Variants in PLA2G4A observed in about 807,000 individuals in gnomAD.
PLA2G4A encodes cytosolic phospholipase A2.
A neutral mutation model predicts 81.9 loss-of-function variants in PLA2G4A; 40 were observed. The observed-to-expected ratio is 0.49, with a 90% CI of 0.38 to 0.64. The LOEUF is 0.64. Among genes scored for constraint, PLA2G4A ranks in the 30% least tolerant of loss-of-function variants. The probability of loss-of-function intolerance (pLI) is 0.00; values close to 1 mark genes in which losing one functional copy is unlikely to be tolerated. For synonymous variants in PLA2G4A, 302 were observed against 296.9 expected (o/e 1.02, Z -0.18); for missense variants, 715 against 905.1 (o/e 0.79, Z 2.69).
rs185791169 is a variant in PLA2G4A at position 186,867,590 on chromosome 1, T to G, written c.34-2845T>G. ...ATAGTCACATAATTAGTTCCAGGAG[T>G]TTTTTTTTAATTGATTATATTGGGT... is the stretch of plus-strand genomic sequence containing the variant. On this transcript the variant is annotated intron_variant, in intron 2 of 17. Coordinates refer to ENST00000367466, the MANE Select transcript of PLA2G4A (RefSeq NM_024420.3). 1.9e-3 allele frequency among the ~76,000 whole-genome samples: 275 copies of G among 146,852 alleles called. 1 individual carries two copies. Among genetic ancestry groups the G allele is most frequent in the African/African-American group, 7.1e-3 (262 of 36,872 alleles).
At chr1:186,880,120 A>G (rs1411347786) in intron 3 of PLA2G4A, among the ~76,000 whole-genome samples, 1 of 152,008 alleles carries the variant, frequency 6.6e-6, no homozygotes, top group Non-Finnish European at 1.5e-5. Context: ...TTACTTGTGC[A>G]GCAGCTTTGC....
chr1:186,862,143 T>C (rs1398150909), intron 2 of PLA2G4A, among the ~76,000 whole-genome samples: 1 of 151,170 alleles, frequency 6.6e-6, no homozygotes, highest in Non-Finnish European at 1.5e-5. Context: ...TTTTTATATA[T>C]GAAGAAACAA....
chr1:186,909,939 C>A (rs10798070), intron 6 of PLA2G4A, among the ~76,000 whole-genome samples: 55,520 of 151,988 alleles, frequency 0.37, 12,242 homozygotes, highest in Non-Finnish European at 0.49. Context: ...TGCTTTTTAA[C>A]AAACTTATAT....
intron 6 of PLA2G4A, among the ~76,000 whole-genome samples, chr1:186,909,486 C>A (rs1433565811): frequency 1.3e-5 from 2 of 150,694 alleles, no homozygotes; most frequent in African/African-American, 2.4e-5. Flanking sequence ...CATGGAGAAA[C>A]CCTGTCTCTA....
At chr1:186,913,781 T>G (rs1655046059) in intron 7 of PLA2G4A, among the ~76,000 whole-genome samples, 1 of 152,200 alleles carries the variant, frequency 6.6e-6, no homozygotes, top group African/African-American at 2.4e-5. Context: ...CTTGTAGGAA[T>G]TTGAGATTAT....
chr1:186,904,848 G>GAT (rs200646304), intron 5 of PLA2G4A, among the ~76,000 whole-genome samples: 8 of 92,826 alleles, frequency 8.6e-5, no homozygotes, highest in East Asian at 5.6e-4. Context: ...AACAGGCAGG[G>GAT]ATATATATAT....
intron 3 of PLA2G4A, among the ~76,000 whole-genome samples, chr1:186,880,054 A>G (rs12746200): frequency 0.075 from 11,349 of 152,010 alleles, 577 homozygotes; most frequent in Middle Eastern, 0.13. Context: ...CATAGTCCAG[A>G]ATCACAGAGC....
chr1:186,911,495 A>G, intron 7 of PLA2G4A, 106 bp downstream of exon 7: 1 of 867,036 alleles, frequency 1.2e-6, no homozygotes, highest in Non-Finnish European at 2.0e-6. Flanking sequence ...ATTGAGCATT[A>G]TTCCTTTAGT....
intron 12 of PLA2G4A, among the ~76,000 whole-genome samples, 155 bp downstream of exon 12, chr1:186,947,116 AAT>A (rs562375628): frequency 1.4e-4 from 21 of 152,264 alleles, no homozygotes; most frequent in South Asian, 2.1e-4. Flanking sequence ...TCCTAAAAAT[AAT>A]ATGTTACTTC....
chr1:186,875,548 A>C (rs1483159288), intron 3 of PLA2G4A, among the ~76,000 whole-genome samples: 1 of 152,104 alleles, frequency 6.6e-6, no homozygotes, highest in African/African-American at 2.4e-5. Context: ...TTAATGCATG[A>C]AATGTACTAT....
At chr1:186,840,400 C>G (rs1234570641) in intron 1 of PLA2G4A, among the ~76,000 whole-genome samples, 2 of 152,116 alleles carry the variant, frequency 1.3e-5, no homozygotes, top group Non-Finnish European at 2.9e-5. Context: ...TCTAAAACTT[C>G]TTATGATCTG....
intron 1 of PLA2G4A, among the ~76,000 whole-genome samples, chr1:186,837,919 C>G (rs1034059223): frequency 4.6e-5 from 7 of 151,966 alleles, no homozygotes; most frequent in Admixed American, 1.3e-4. Flanking sequence ...TCCTTTGTGG[C>G]AGGGAGAAGG....
At chr1:186,847,545 T>C (rs1017257351) in intron 1 of PLA2G4A, among the ~76,000 whole-genome samples, 1 of 152,148 alleles carries the variant, frequency 6.6e-6, no homozygotes, top group Non-Finnish European at 1.5e-5. Context: ...AGCCATAAGA[T>C]TTAAGACATG....
chr1:186,874,598 CA>C (rs1040492751), intron 3 of PLA2G4A, among the ~76,000 whole-genome samples: 1 of 152,012 alleles, frequency 6.6e-6, no homozygotes, highest in Non-Finnish European at 1.5e-5. Context: ...CTTTATTAGA[CA>C]CATAAACTCT....
At chr1:186,938,236 TAGTC>T (rs1656024158) in intron 8 of PLA2G4A, among the ~76,000 whole-genome samples, 1 of 151,922 alleles carries the variant, frequency 6.6e-6, no homozygotes, top group African/African-American at 2.4e-5. Flanking sequence ...GAGTAATTAA[TAGTC>T]AGCATGAGAT....
intron 14 of PLA2G4A, among the ~76,000 whole-genome samples, chr1:186,964,655 CCTT>C (rs1244744945): frequency 6.6e-6 from 1 of 152,164 alleles, no homozygotes; most frequent in East Asian, 1.9e-4. Context: ...GTTACTTACT[CCTT>C]ATTATAGTGT....
chr1:186,956,086 T>G lies in PLA2G4A; in HGVS notation c.1337-16T>G, dbSNP rs938584424. 4 of 1,610,464 alleles carry G rather than the reference T, an allele frequency of 2.5e-6. No individual in the cohort carries two copies. Among genetic ancestry groups the G allele is most frequent in the Admixed American group, 1.7e-5 (1 of 59,988 alleles). ...GTATTTTGGAGTCTGTATGGTGACC[T>G]TTTATTTTTCCCTAGGCACTGAAAA... On this transcript the variant is annotated splice_polypyrimidine_tract_variant and intron_variant, in intron 13 of 17. Transcript: ENST00000367466.
intron 11 of PLA2G4A, 36 bp from the exon 12 acceptor site, chr1:186,946,833 T>A: frequency 6.3e-7 from 1 of 1,589,208 alleles, no homozygotes; most frequent in East Asian, 2.2e-5. Flanking sequence ...AAACCTGGGA[T>A]ATTTTAAGTT....
chr1:186,969,672 A>G (rs1657272158), intron 15 of PLA2G4A, among the ~76,000 whole-genome samples: 1 of 151,576 alleles, frequency 6.6e-6, no homozygotes, highest in Admixed American at 6.6e-5. Flanking sequence ...CTGCGCCTGG[A>G]TTATTTAACT....
Sources: allele counts gnomAD v4.1 joint callset (sites outside exome capture counted in the v4.1 genomes callset), GRCh38; gene constraint gnomAD v4.1.1; transcripts MANE v1.5; gene names NCBI Gene and HGNC (gene_info 2026-07-23, HGNC 2026-07-21).